OR51B5: variants seen among roughly 807,000 people sequenced by gnomAD.
The protein encoded by OR51B5 is olfactory receptor family 51 subfamily B member 5, also known as olfactory receptor 51B5.
For synonymous variants in OR51B5, 186 were observed against 144.8 expected, an observed-to-expected ratio of 1.28 and a Z score of -2.04; for missense variants, 456 against 374.6, an observed-to-expected ratio of 1.22 and a Z score of -1.79.
chr11:5,503,417 T>A (rs1590033684), intron 1 of OR51B5, among the ~76,000 whole-genome samples: 1 of 107,082 alleles, frequency 9.3e-6, no homozygotes, highest in Non-Finnish European at 2.2e-5. Flanking sequence ...GAAACTACAC[T>A]TTTTTTTACA....
rs561396934 is a variant in OR51B5, at chr11:5,449,739, G to C, written n.84+55830C>G. On this transcript the variant is annotated intron_variant and non_coding_transcript_variant, in intron 1 of 4. Coordinates refer to the OR51B5 transcript ENST00000415970. ...CGGTTCGGGAATCTAGAAGGGAAGT[G>C]GTCACAACCTATCCCATGACAAACA... Among the ~76,000 whole-genome samples, 9 of 152,086 alleles carry C rather than the reference G, an allele frequency of 5.9e-5. No individual in the cohort carries two copies. In the East Asian group the frequency reaches 1.3e-3, roughly 23 times the overall value.
At chr11:5,484,009 T>G (rs543184892) in intron 1 of OR51B5, among the ~76,000 whole-genome samples, 3 of 151,692 alleles carry the variant, frequency 2.0e-5, no homozygotes, top group Non-Finnish European at 2.9e-5. Context: ...GACACACACC[T>G]CCTGCCAAAG....
At chr11:5,481,995 GA>G (rs1564828345) in intron 1 of OR51B5, among the ~76,000 whole-genome samples, 1 of 119,668 alleles carries the variant, frequency 8.4e-6, no homozygotes, top group East Asian at 3.3e-4. Flanking sequence ...CACAGAATTG[GA>G]AAAAACTACT....
chr11:5,369,878 A>G (rs1018969433), intron 1 of OR51B5, among the ~76,000 whole-genome samples: 4 of 152,226 alleles, frequency 2.6e-5, no homozygotes, highest in African/African-American at 4.8e-5. Flanking sequence ...ACAGTTGTTA[A>G]AAGTGATGAC....
upstream of OR51B5, among the ~76,000 whole-genome samples, chr11:5,347,810 G>A (rs1268938257): frequency 6.6e-6 from 1 of 152,048 alleles, no homozygotes; most frequent in Non-Finnish European, 1.5e-5. Flanking sequence ...AAGAGGGAGG[G>A]AGGGAAGAAC....
At chr11:5,460,665 G>T (rs1175175588) in intron 1 of OR51B5, among the ~76,000 whole-genome samples, 1 of 152,222 alleles carries the variant, frequency 6.6e-6, no homozygotes, top group Non-Finnish European at 1.5e-5. Context: ...GGCCTTTAGA[G>T]TTACCAGAAT....
intron 1 of OR51B5, among the ~76,000 whole-genome samples, chr11:5,488,473 G>A (rs2133813105): frequency 6.6e-6 from 1 of 152,212 alleles, no homozygotes; most frequent in East Asian, 1.9e-4. Context: ...TTGGTGCTTT[G>A]GATATAGAAC....
At chr11:5,456,619 C>T (rs973529570) in intron 1 of OR51B5, 1 of 152,082 alleles carries the variant, frequency 6.6e-6, no homozygotes, top group Non-Finnish European at 1.5e-5. Flanking sequence ...TTTCTTTGCT[C>T]AACTTTTAAT....
At chr11:5,476,569 G>A (rs365943) in intron 1 of OR51B5, among the ~76,000 whole-genome samples, 89,481 of 151,942 alleles carry the variant, frequency 0.59, 26,753 homozygotes, top group South Asian at 0.66. Flanking sequence ...AGCCTAAACT[G>A]AGACCATCAG....
Position 5,362,739 on chromosome 11 carries a change from C to A in OR51B5, n.85-15829G>T. ...ACCTGGTTCTTTGTTTACGAGGTCA[C>A]CTCTACCAAGTACACTTGTGATATC... On this transcript the variant is annotated intron_variant and non_coding_transcript_variant, in intron 1 of 4. Coordinates refer to the OR51B5 transcript ENST00000415970. The A allele has an allele frequency of 9.1e-6, 2 of 220,466 alleles. 1 individual carries two copies. The highest frequency in any genetic ancestry group is 1.9e-5 in the Non-Finnish European group (2 of 106,816). The allele number at this position is 220,466 out of a possible 1,614,324, so 13.7% of individuals were successfully genotyped here. A position where few individuals can be genotyped will look rare whatever the true frequency, so the allele number is the denominator to read the frequency against.
chr11:5,357,846 A>G (rs1404485511), intron 1 of OR51B5, among the ~76,000 whole-genome samples: 1 of 151,654 alleles, frequency 6.6e-6, no homozygotes, highest in African/African-American at 2.4e-5. Context: ...CTCACTCAAA[A>G]CCGCTCAACT....
In OR51B5 at chr11:5,408,692, A is replaced by G. The variant is rs555364296; in HGVS notation, n.85-61782T>C. Among the ~76,000 whole-genome samples the G allele has an allele frequency of 4.6e-5, 7 of 152,222 alleles. No homozygotes were observed. In the South Asian group the frequency reaches 1.0e-3, roughly 23 times the overall value. Reference sequence around the variant, plus strand: ...TCCAGAAAAAAAAGACCATTTTATAATCCAAACATAAACAATGTCCAAGCC... The same window carrying G: ...TCCAGAAAAAAAAGACCATTTTATAGTCCAAACATAAACAATGTCCAAGCC... On this transcript the variant is annotated intron_variant and non_coding_transcript_variant, in intron 1 of 4. Transcript: ENST00000415970.
intron 1 of OR51B5, chr11:5,390,010 C>G: frequency 1.9e-6 from 3 of 1,613,326 alleles, no homozygotes; most frequent in Non-Finnish European, 2.5e-6. Flanking sequence ...GCACAGATAT[C>G]ACCTTCAATA....
intron 1 of OR51B5, among the ~76,000 whole-genome samples, chr11:5,487,192 C>G (rs973595826): frequency 5.3e-5 from 8 of 152,098 alleles, no homozygotes; most frequent in Non-Finnish European, 1.0e-4. Flanking sequence ...TGGGATTGGT[C>G]TTTTCATTGG....
At chr11:5,401,304 G>A (rs934897752) in intron 1 of OR51B5, among the ~76,000 whole-genome samples, 1 of 152,232 alleles carries the variant, frequency 6.6e-6, no homozygotes, top group Non-Finnish European at 1.5e-5. Flanking sequence ...TCAACAGATT[G>A]TGGATGTGAT....
chr11:5,367,434 G>T (rs1448931259), intron 1 of OR51B5, among the ~76,000 whole-genome samples: 1 of 152,136 alleles, frequency 6.6e-6, no homozygotes, highest in Non-Finnish European at 1.5e-5. Flanking sequence ...GCTAAACAAG[G>T]GGTGGATTAT....
At chr11:5,432,022 T>C (rs180768239) in intron 1 of OR51B5, among the ~76,000 whole-genome samples, 23 of 152,358 alleles carry the variant, frequency 1.5e-4, no homozygotes, top group Non-Finnish European at 1.5e-4. Context: ...TTCTATGTGT[T>C]GGGAACATGT....
chr11:5,464,582 C>T (rs1851109261), intron 1 of OR51B5, among the ~76,000 whole-genome samples: 1 of 151,684 alleles, frequency 6.6e-6, no homozygotes, highest in South Asian at 2.1e-4. Context: ...TGATGATTTC[C>T]AATTTCATCC....
At chr11:5,406,192 T>G (rs1242664239) in intron 1 of OR51B5, among the ~76,000 whole-genome samples, 2 of 152,186 alleles carry the variant, frequency 1.3e-5, no homozygotes, top group Non-Finnish European at 2.9e-5. Flanking sequence ...ATTGCTATAT[T>G]TAGTAAATGT....
Sources: gnomAD v4.1 joint callset for allele counts (sites outside exome capture counted in the v4.1 genomes callset) on GRCh38, gnomAD v4.1.1 for gene constraint, MANE v1.5 for transcripts, NCBI Gene and HGNC (gene_info 2026-07-23, HGNC 2026-07-21) for gene names.